RNLS: variants seen among roughly 807,000 people sequenced by gnomAD.
RNLS encodes the protein renalase, FAD dependent amine oxidase, also known as renalase.
RNLS carries 39 observed loss-of-function variants against 39.8 expected under a neutral mutation model. The ratio of observed to expected loss-of-function variants is 0.98; its 90% confidence interval spans 0.76 to 1.28. The LOEUF (loss-of-function observed/expected upper bound fraction) is 1.28, where lower values mean the gene tolerates loss of function less well. Among genes scored for constraint, RNLS ranks in the 50% most tolerant of loss-of-function variants. The probability of loss-of-function intolerance (pLI) is 0.00; values close to 1 mark genes in which losing one functional copy is unlikely to be tolerated. For missense variants in RNLS, 410 were observed against 413.3 expected (o/e 0.99, Z 0.07); for synonymous variants, 147 against 150.7 (o/e 0.98, Z 0.18).
At chr10:88,233,202 C>A in the RNLS span, among the ~76,000 whole-genome samples, 8 of 152,188 alleles carry the variant, frequency 5.3e-5, no homozygotes, top group Non-Finnish European at 8.8e-5. Context: ...AGCTCTCCAG[C>A]AAATCCAAGA....
chr10:88,341,183 G>T lies in RNLS; in HGVS notation c.700+21369C>A, dbSNP rs373891482. ...TGCCTCTACTAAAAATACAAAATTA[G>T]CCGGGTGTGGTGGTGCATGCCTGTA... On this transcript the variant is annotated intron_variant, in intron 5 of 6. Transcript: ENST00000331772. 4.0e-5 allele frequency among the ~76,000 whole-genome samples: 6 copies of T among 151,620 alleles called. No homozygotes were observed. In the South Asian group the frequency reaches 1.3e-3, roughly 32 times the overall value.
chr10:88,355,630 G>A (rs891100471), intron 5 of RNLS, among the ~76,000 whole-genome samples: 1 of 152,172 alleles, frequency 6.6e-6, no homozygotes, highest in Non-Finnish European at 1.5e-5. Flanking sequence ...CTACTGAGGG[G>A]TGCCTCCGAG....
intron 6 of RNLS, among the ~76,000 whole-genome samples, chr10:88,304,656 A>T (rs2132981013): frequency 6.6e-6 from 1 of 152,312 alleles, no homozygotes; most frequent in Admixed American, 6.5e-5. Context: ...AAGAATGAAA[A>T]GGAGTGAACT....
At chr10:88,468,124 G>A (rs1843316204) in intron 4 of RNLS, among the ~76,000 whole-genome samples, 1 of 152,180 alleles carries the variant, frequency 6.6e-6, no homozygotes, top group Non-Finnish European at 1.5e-5. Flanking sequence ...AGAGCTTGGT[G>A]CATTTCAGGT....
rs1241218935 is a variant in RNLS at position 88,554,213 on chromosome 10, T to A, written c.526+18690A>T. ...TGAACTTGGGCATGTTATTCTATGT[T>A]CTTATTTGAAGTCCTTAATTTTAAC... On this transcript the variant is annotated intron_variant, in intron 4 of 6. Coordinates refer to ENST00000331772, the MANE Select transcript of RNLS (RefSeq NM_001031709.3). Among the ~76,000 whole-genome samples the A allele has an allele frequency of 2.0e-5, 3 of 152,082 alleles. No individual in the cohort carries two copies. In the East Asian group the frequency reaches 5.8e-4, roughly 29 times the overall value.
intron 5 of RNLS, among the ~76,000 whole-genome samples, chr10:88,322,667 T>C (rs1192827969): frequency 2.0e-5 from 3 of 152,188 alleles, no homozygotes; most frequent in Non-Finnish European, 4.4e-5. Flanking sequence ...AAATTATCTC[T>C]GGCAGTTCTT....
intron 4 of RNLS, among the ~76,000 whole-genome samples, chr10:88,472,469 A>C (rs768291197): frequency 2.0e-5 from 3 of 152,150 alleles, no homozygotes; most frequent in Non-Finnish European, 4.4e-5. Context: ...ATAGGCATGA[A>C]AATGGAAGGG....
chr10:88,239,210 C>T, the RNLS span, among the ~76,000 whole-genome samples: 8 of 152,314 alleles, frequency 5.3e-5, no homozygotes, highest in African/African-American at 1.9e-4. Context: ...TCGAGGCCTG[C>T]TGTCCTCTGG....
chr10:88,261,707 A>G, the RNLS span, among the ~76,000 whole-genome samples: 1 of 152,180 alleles, frequency 6.6e-6, no homozygotes, highest in African/African-American at 2.4e-5. Context: ...GTTAATTATT[A>G]TTGTTATGAT....
intron 5 of RNLS, among the ~76,000 whole-genome samples, chr10:88,324,027 A>G (rs1239253929): frequency 1.3e-5 from 2 of 152,200 alleles, no homozygotes; most frequent in Admixed American, 6.5e-5. Flanking sequence ...CAAAATCGCA[A>G]TGAGTTACCA....
chr10:88,203,272 A>G, the RNLS span, among the ~76,000 whole-genome samples: 650 of 14,690 alleles, frequency 0.044, 148 homozygotes, highest in South Asian at 0.11. Flanking sequence ...GTGTATGTAT[A>G]TATATATATA....
rs147588689 is a variant in RNLS at position 88,582,203 on chromosome 10, G to A, written c.223C>T (p.Arg75Cys). ...CTPHYAKKHQRFYDELLAYGV... is the reference protein window; with the variant it reads ...CTPHYAKKHQCFYDELLAYGV... ...TTCCACTCCTTGCAACTAACTCACC[G>A]TTGGTGTTTTTTGGCATAATGAGGA... Residue 75 changes from arginine to cysteine, a missense_variant and splice_region_variant, in exon 2 of 7, where the codon CGT becomes TGT. Transcript: ENST00000331772. 6.8e-5 allele frequency: 110 copies of A among 1,610,924 alleles called. No individual in the cohort carries two copies. Among genetic ancestry groups the A allele is most frequent in the Admixed American group, 2.7e-4 (16 of 59,762 alleles).
chr10:88,555,925 T>C (rs1034148069), intron 4 of RNLS, among the ~76,000 whole-genome samples: 1 of 152,274 alleles, frequency 6.6e-6, no homozygotes, highest in Non-Finnish European at 1.5e-5. Context: ...TCCAGTTCCA[T>C]GGCTTTAAAT....
chr10:88,336,263 T>C (rs1280393246), intron 5 of RNLS, among the ~76,000 whole-genome samples: 2 of 152,258 alleles, frequency 1.3e-5, no homozygotes, highest in Non-Finnish European at 2.9e-5. Context: ...ACTTGTTTAT[T>C]CTAGGCCTGT....
At chr10:88,376,472 A>G (rs1411446643) in intron 4 of RNLS, among the ~76,000 whole-genome samples, 3 of 152,136 alleles carry the variant, frequency 2.0e-5, no homozygotes, top group Non-Finnish European at 4.4e-5. Context: ...TAACTTTTTA[A>G]TTTGCTAACT....
chr10:88,427,536 A>G (rs1854861952), intron 4 of RNLS, among the ~76,000 whole-genome samples: 1 of 152,036 alleles, frequency 6.6e-6, no homozygotes, highest in Non-Finnish European at 1.5e-5. Flanking sequence ...AGATGCAGGC[A>G]TGAAAATCAT....
At chr10:88,566,589 A>G (rs917392436) in intron 4 of RNLS, among the ~76,000 whole-genome samples, 1 of 152,228 alleles carries the variant, frequency 6.6e-6, no homozygotes, top group African/African-American at 2.4e-5. Context: ...ACAGTAAAAG[A>G]ATACAGGACC....
At chr10:88,309,908 G>A (rs1845229703) in intron 6 of RNLS, among the ~76,000 whole-genome samples, 1 of 152,138 alleles carries the variant, frequency 6.6e-6, no homozygotes, top group Non-Finnish European at 1.5e-5. Flanking sequence ...AGTAAAGATT[G>A]GAGTTATTTT....
chr10:88,203,396 G>GTATATATATATATACACGTATGTGTA, the RNLS span, among the ~76,000 whole-genome samples: 1 of 7,844 alleles, frequency 1.3e-4, no homozygotes, highest in African/African-American at 9.5e-4. Flanking sequence ...ACACGTATGT[G>GTATATATATATATACACGTATGTGTA]TATATATATA....
Sources: gnomAD v4.1 joint callset for allele counts (sites outside exome capture counted in the v4.1 genomes callset) on GRCh38, gnomAD v4.1.1 for gene constraint, MANE v1.5 for transcripts, NCBI Gene and HGNC (gene_info 2026-07-23, HGNC 2026-07-21) for gene names.